The following EPHA6 variants were observed in gnomAD, a reference collection of about 807,000 sequenced individuals.
EPHA6 encodes the protein ephrin type-A receptor 6.
In EPHA6, 50 loss-of-function variants were observed where a neutral mutation model predicts 112.0. That is an observed-to-expected ratio of 0.45 (90% CI 0.36 to 0.56). The LOEUF (loss-of-function observed/expected upper bound fraction) is 0.56. Among genes scored for constraint, EPHA6 ranks in the 20% least tolerant of loss-of-function variants. The pLI, the probability that EPHA6 is intolerant of heterozygous loss-of-function variation, is 0.00. For synonymous variants in EPHA6, 529 were observed against 490.7 expected (o/e 1.08, Z -1.03); for missense variants, 1,280 against 1,417.4 (o/e 0.90, Z 1.56).
intron 3 of EPHA6, among the ~76,000 whole-genome samples, chr3:97,216,529 T>G (rs965683111): frequency 6.6e-6 from 1 of 152,230 alleles, no homozygotes; most frequent in Non-Finnish European, 1.5e-5. Flanking sequence ...CAATGGAAAT[T>G]AGTATGACTA....
intron 16 of EPHA6, among the ~76,000 whole-genome samples, chr3:97,739,529 C>G (rs2035413979): frequency 1.3e-5 from 2 of 152,200 alleles, no homozygotes; most frequent in Non-Finnish European, 2.9e-5. Flanking sequence ...TAATTTTATA[C>G]TAACATATTG....
At chr3:97,250,766 A>G (rs1317443726) in intron 5 of EPHA6, among the ~76,000 whole-genome samples, 1 of 152,202 alleles carries the variant, frequency 6.6e-6, no homozygotes. Context: ...TCATTAACTG[A>G]ACTCTGCCTA....
chr3:97,696,180 G>T (rs2033029056), intron 14 of EPHA6, among the ~76,000 whole-genome samples: 7 of 152,176 alleles, frequency 4.6e-5, no homozygotes, highest in Admixed American at 4.6e-4. Flanking sequence ...ACGGTCTCAT[G>T]AGCTAGTCAT....
At chr3:97,260,243 C>T (rs1020744946) in intron 5 of EPHA6, among the ~76,000 whole-genome samples, 4 of 152,170 alleles carry the variant, frequency 2.6e-5, no homozygotes, top group African/African-American at 9.7e-5. Context: ...ATTTGGGTTG[C>T]CCTAACAGAG....
At chr3:97,198,145 G>A (rs966143676) in intron 3 of EPHA6, among the ~76,000 whole-genome samples, 2 of 152,082 alleles carry the variant, frequency 1.3e-5, no homozygotes, top group Non-Finnish European at 2.9e-5. Flanking sequence ...TCACTCACCT[G>A]ATTTTTGTTC....
At chr3:97,296,458 G>C (rs1015129295) in intron 5 of EPHA6, among the ~76,000 whole-genome samples, 1 of 152,170 alleles carries the variant, frequency 6.6e-6, no homozygotes, top group African/African-American at 2.4e-5. Context: ...CTTGAAGAAT[G>C]CTGAGGTGGC....
At chr3:97,483,097 A>G (rs2091602220) in intron 9 of EPHA6, among the ~76,000 whole-genome samples, 1 of 152,234 alleles carries the variant, frequency 6.6e-6, no homozygotes, top group Non-Finnish European at 1.5e-5. Context: ...CTCTAAAAAA[A>G]GCAGAGAAAT....
At chr3:97,366,749 T>A (rs750181310) in intron 5 of EPHA6, among the ~76,000 whole-genome samples, 10 of 152,186 alleles carry the variant, frequency 6.6e-5, no homozygotes, top group Admixed American at 2.0e-4. Context: ...TATGATTATG[T>A]ACTTATGTAG....
chr3:96,975,395 C>T lies in EPHA6; in HGVS notation c.451-11935C>T, dbSNP rs138868619. ...TAAGAGGTCTTAACGTCATAGAATA[C>T]GTAAAATAAAGTTAGAAGACCTAGT... On this transcript the variant is annotated intron_variant, in intron 2 of 17. Coordinates refer to ENST00000389672, the MANE Select transcript of EPHA6 (RefSeq NM_001080448.3). Among the ~76,000 whole-genome samples the T allele has an allele frequency of 2.6e-3, 389 of 152,140 alleles. 4 individuals are homozygous for T. Among genetic ancestry groups the T allele is most frequent in the East Asian group, 7.9e-3 (41 of 5,170 alleles).
intron 5 of EPHA6, among the ~76,000 whole-genome samples, chr3:97,349,756 G>A (rs939295225): frequency 5.3e-5 from 8 of 151,956 alleles, no homozygotes; most frequent in African/African-American, 1.9e-4. Flanking sequence ...TGAGACTTAG[G>A]AAGCTTCAAA....
intron 6 of EPHA6, among the ~76,000 whole-genome samples, chr3:97,440,809 T>C (rs938954143): frequency 6.6e-6 from 1 of 151,658 alleles, no homozygotes; most frequent in African/African-American, 2.4e-5. Context: ...TTTTAAAAGA[T>C]TGATCAAATA....
At chr3:97,411,962 TG>T (rs2087747105) in intron 6 of EPHA6, among the ~76,000 whole-genome samples, 1 of 152,044 alleles carries the variant, frequency 6.6e-6, no homozygotes, top group Admixed American at 6.6e-5. Flanking sequence ...TTCTTTCCTC[TG>T]GGCATAGGGA....
At chr3:97,571,731 A>G (rs1055345642) in intron 11 of EPHA6, among the ~76,000 whole-genome samples, 2 of 152,242 alleles carry the variant, frequency 1.3e-5, no homozygotes, top group Non-Finnish European at 2.9e-5. Flanking sequence ...CTTCCGTATT[A>G]GACTCAACAT....
At chr3:97,109,222 G>T (rs1309648182) in intron 3 of EPHA6, among the ~76,000 whole-genome samples, 2 of 152,154 alleles carry the variant, frequency 1.3e-5, no homozygotes, top group African/African-American at 2.4e-5. Flanking sequence ...TCCTTTCAGT[G>T]AGTTCTTTAC....
At chr3:97,168,587 C>G (rs1209143748) in intron 3 of EPHA6, among the ~76,000 whole-genome samples, 1 of 144,984 alleles carries the variant, frequency 6.9e-6, no homozygotes, top group African/African-American at 2.8e-5. Context: ...CTCTCTCTCT[C>G]TCTCTCTGTG....
intron 14 of EPHA6, chr3:97,646,180 T>C: frequency 6.5e-7 from 1 of 1,535,582 alleles, no homozygotes; most frequent in Non-Finnish European, 8.7e-7. Context: ...CTGGAAAGCT[T>C]GTGTGAGCAG....
At chr3:97,552,654 CAAAA>C (rs932247922) in intron 11 of EPHA6, among the ~76,000 whole-genome samples, 6 of 152,102 alleles carry the variant, frequency 3.9e-5, no homozygotes, top group African/African-American at 1.2e-4. Flanking sequence ...CATGGAAAAA[CAAAA>C]CAAACCTACT....
rs1358295514 is a variant in EPHA6 at position 97,314,637 on chromosome 3, T to C, written c.1606+70350T>C. ...AAATACAAGACAGGTAACATTTTTATAAGCAAGAGAATAAATTCTAAAATG... is the reference window on the plus strand; with the variant it reads ...AAATACAAGACAGGTAACATTTTTACAAGCAAGAGAATAAATTCTAAAATG... On this transcript the variant is annotated intron_variant, in intron 5 of 17. Coordinates refer to ENST00000389672, the MANE Select transcript of EPHA6 (RefSeq NM_001080448.3). Among the ~76,000 whole-genome samples, 11 of 151,630 alleles carry C rather than the reference T, an allele frequency of 7.3e-5. No homozygotes were observed. The Admixed American group carries it at 7.3e-4, about 10-fold the overall frequency.
At chr3:97,569,444 G>A (rs2093308485) in intron 11 of EPHA6, among the ~76,000 whole-genome samples, 1 of 152,092 alleles carries the variant, frequency 6.6e-6, no homozygotes, top group African/African-American at 2.4e-5. Flanking sequence ...GTGATTAAAA[G>A]AACAGACTCT....
Sources: gnomAD v4.1 joint callset for allele counts (sites outside exome capture counted in the v4.1 genomes callset) on GRCh38, gnomAD v4.1.1 for gene constraint, MANE v1.5 for transcripts, NCBI Gene and HGNC (gene_info 2026-07-23, HGNC 2026-07-21) for gene names.